MLIP: variants seen among roughly 807,000 people sequenced by gnomAD.
The protein encoded by MLIP is muscular LMNA-interacting protein.
In MLIP, 79 loss-of-function variants were observed where a neutral mutation model predicts 84.8. The observed-to-expected ratio is 0.93, with a 90% CI of 0.78 to 1.12. The LOEUF (loss-of-function observed/expected upper bound fraction) is 1.12. MLIP is among the 50% of genes most tolerant of loss of function. The probability of loss-of-function intolerance (pLI) is 0.00; values close to 1 mark genes in which losing one functional copy is unlikely to be tolerated. For missense variants in MLIP, 1,257 were observed against 1,160.6 expected (o/e 1.08, Z -1.21); for synonymous variants, 504 against 463.0 (o/e 1.09, Z -1.14).
At chr6:54,205,022 A>G (rs902658483) in intron 11 of MLIP, among the ~76,000 whole-genome samples, 35 of 152,266 alleles carry the variant, frequency 2.3e-4, no homozygotes, top group African/African-American at 7.7e-4. Context: ...CATGAAAGGG[A>G]AAGATAAGAT....
At chr6:54,240,812 T>G (rs1471430275) in intron 12 of MLIP, among the ~76,000 whole-genome samples, 1 of 152,014 alleles carries the variant, frequency 6.6e-6, no homozygotes. Flanking sequence ...CCATCTCTAC[T>G]AAAAATAGAA....
intron 8 of MLIP, among the ~76,000 whole-genome samples, chr6:54,165,832 G>A (rs900186267): frequency 2.0e-5 from 3 of 151,824 alleles, no homozygotes; most frequent in Non-Finnish European, 2.9e-5. Context: ...TAGGAGGTGG[G>A]GCCATTAGAA....
chr6:54,113,149 T>G (rs553231210), intron 1 of MLIP, among the ~76,000 whole-genome samples: 1 of 152,300 alleles, frequency 6.6e-6, no homozygotes, highest in Non-Finnish European at 1.5e-5. Context: ...TAAATTTTAT[T>G]TGGATGGAAC....
intron 1 of MLIP, among the ~76,000 whole-genome samples, chr6:54,087,652 AGAAG>A (rs1216416686): frequency 6.6e-6 from 1 of 152,114 alleles, no homozygotes; most frequent in African/African-American, 2.4e-5. Flanking sequence ...AGGGGCCATG[AGAAG>A]GAAGAGGATC....
chr6:54,188,232 A>T (rs1339679771), intron 9 of MLIP, among the ~76,000 whole-genome samples: 1 of 152,196 alleles, frequency 6.6e-6, no homozygotes, highest in Non-Finnish European at 1.5e-5. Flanking sequence ...ATTACTGTAC[A>T]CTACTGTAGA....
At chr6:54,113,662 T>C (rs1009261647) in intron 1 of MLIP, among the ~76,000 whole-genome samples, 9 of 151,792 alleles carry the variant, frequency 5.9e-5, no homozygotes, top group African/African-American at 1.9e-4. Flanking sequence ...TCCTTTCATA[T>C]ACTCAGTCTT....
At chr6:54,183,108 A>G (rs961427201) in intron 9 of MLIP, among the ~76,000 whole-genome samples, 1 of 151,932 alleles carries the variant, frequency 6.6e-6, no homozygotes, top group African/African-American at 2.4e-5. Flanking sequence ...AGATATTCAA[A>G]TAAAGGTCAT....
In MLIP at chr6:54,149,009, C is replaced by A. The variant is rs189281392; in HGVS notation, c.2218-47C>A. 2.6e-5 allele frequency: 38 copies of A among 1,476,968 alleles called. No homozygotes were observed. The African/African-American group carries it at 3.7e-4, about 15-fold the overall frequency. The allele number at this position is 1,476,968 out of a possible 1,614,324, so 91.5% of individuals were successfully genotyped here. On this transcript the variant is annotated intron_variant, in intron 4 of 13. Coordinates refer to ENST00000502396, the MANE Select transcript of MLIP (RefSeq NM_001281747.2). ...AACTGTCTGAAAATTATGTCATATT[C>A]TTTCCCATTTTCATCTCTACTCTTG...
At chr6:54,104,583 G>A (rs554108947) in intron 1 of MLIP, among the ~76,000 whole-genome samples, 119 of 152,174 alleles carry the variant, frequency 7.8e-4, no homozygotes, top group African/African-American at 2.7e-3. Flanking sequence ...TTAGTAGACC[G>A]GAAATATATA....
intron 1 of MLIP, chr6:54,047,585 A>T (rs1295098441): frequency 6.6e-6 from 1 of 152,272 alleles, no homozygotes; most frequent in African/African-American, 2.4e-5. Flanking sequence ...TGCAGAGTCA[A>T]GCGGAACCCA....
chr6:54,233,565 A>G (rs1781158776), intron 12 of MLIP, among the ~76,000 whole-genome samples: 1 of 152,080 alleles, frequency 6.6e-6, no homozygotes, highest in Non-Finnish European at 1.5e-5. Flanking sequence ...CATTTTCTTT[A>G]TCCAGTCTAT....
chr6:54,103,171 G>T (rs189142772), intron 1 of MLIP, among the ~76,000 whole-genome samples: 7 of 151,998 alleles, frequency 4.6e-5, no homozygotes, highest in Non-Finnish European at 1.0e-4. Flanking sequence ...AACACAATAA[G>T]CCCCTCATCT....
chr6:54,159,520 C>A (rs1002865465), intron 5 of MLIP, among the ~76,000 whole-genome samples: 1 of 152,014 alleles, frequency 6.6e-6, no homozygotes, highest in Admixed American at 6.6e-5. Flanking sequence ...GTAGAGTCAA[C>A]GCTTGCAAGA....
rs773508128 is a variant in MLIP at position 54,230,838 on chromosome 6, C to T, written c.2843C>T (p.Pro948Leu). ...CATGCTGACTGTCTTGCCCCAGGACCCTTCAGTCATCTGTCCTTCTCCTTG... is the reference window on the plus strand; with the variant it reads ...CATGCTGACTGTCTTGCCCCAGGACTCTTCAGTCATCTGTCCTTCTCCTTG... ...LSHADCLAPG[P>L]FSHLSFSLSD... The change falls in exon 12 of 14, where the codon CCC (proline) becomes CTC (leucine). Residue 948 changes from proline to leucine, a missense_variant. Physicochemically the swap from Pro to Leu is moderately conservative, Grantham distance 98. Coordinates refer to ENST00000502396, the MANE Select transcript of MLIP (RefSeq NM_001281747.2). The T allele has an allele frequency of 6.2e-6, 10 of 1,613,886 alleles. No individual in the cohort carries two copies. Among genetic ancestry groups the T allele is most frequent in the Non-Finnish European group, 8.5e-6 (10 of 1,179,986 alleles).
At chr6:54,100,279 G>T (rs1223945002) in intron 1 of MLIP, among the ~76,000 whole-genome samples, 1 of 140,838 alleles carries the variant, frequency 7.1e-6, no homozygotes, top group Admixed American at 7.5e-5. Flanking sequence ...TTAATTTGTG[G>T]ACAAGCTTGA....
At chr6:54,083,837 G>T (rs1329773079) in intron 1 of MLIP, among the ~76,000 whole-genome samples, 1 of 152,110 alleles carries the variant, frequency 6.6e-6, no homozygotes, top group Non-Finnish European at 1.5e-5. Flanking sequence ...AGGAAAAGTT[G>T]ATTTTACTAT....
chr6:54,029,631 CTT>C, intron 1 of MLIP, among the ~76,000 whole-genome samples: 1 of 151,682 alleles, frequency 6.6e-6, no homozygotes, highest in East Asian at 1.9e-4. Flanking sequence ...AACCCAGCAA[CTT>C]TTTTTTTCTG....
chr6:54,237,561 T>C (rs1235324358), intron 12 of MLIP, among the ~76,000 whole-genome samples: 1 of 151,836 alleles, frequency 6.6e-6, no homozygotes, highest in Non-Finnish European at 1.5e-5. Flanking sequence ...AAACTTTGGC[T>C]GTTAAAACTT....
intron 9 of MLIP, among the ~76,000 whole-genome samples, chr6:54,183,597 A>T (rs1777098793): frequency 6.6e-6 from 1 of 151,772 alleles, no homozygotes; most frequent in Non-Finnish European, 1.5e-5. Flanking sequence ...TCTACCAACT[A>T]TGTTCATGAC....
Sources: gnomAD v4.1 joint callset for allele counts (sites outside exome capture counted in the v4.1 genomes callset) on GRCh38, gnomAD v4.1.1 for gene constraint, MANE v1.5 for transcripts, NCBI Gene and HGNC (gene_info 2026-07-23, HGNC 2026-07-21) for gene names.